The following FBXW7 variants were observed in gnomAD, a reference collection of about 807,000 sequenced individuals.
FBXW7 encodes F-box and WD repeat domain containing 7, also known as F-box/WD repeat-containing protein 7.
Under a neutral mutation model 86.3 loss-of-function variants are expected in FBXW7, and 11 were observed. That is an observed-to-expected ratio of 0.13 (90% confidence interval 0.08 to 0.21). The LOEUF (loss-of-function observed/expected upper bound fraction) is 0.21. Among genes scored for constraint, FBXW7 ranks in the 10% least tolerant of loss-of-function variants. The pLI, the probability that FBXW7 is intolerant of heterozygous loss-of-function variation, is 1.00. For synonymous variants in FBXW7, 313 were observed against 297.9 expected (o/e 1.05, Z -0.52); for missense variants, 488 against 847.4 (o/e 0.58, Z 5.27).
intron 2 of FBXW7, among the ~76,000 whole-genome samples, chr4:152,439,028 T>A (rs1217824552): frequency 6.6e-6 from 1 of 152,194 alleles, no homozygotes; most frequent in Non-Finnish European, 1.5e-5. Flanking sequence ...ATAGTAAAGT[T>A]TTAAAGCCAG....
intron 6 of FBXW7, among the ~76,000 whole-genome samples, chr4:152,345,609 G>A (rs1328421227): frequency 1.3e-5 from 2 of 151,930 alleles, no homozygotes. Flanking sequence ...GTCTCAACGC[G>A]GGGAAAAACT....
At chr4:152,507,109 T>C (rs578147147) in intron 2 of FBXW7, among the ~76,000 whole-genome samples, 2 of 152,184 alleles carry the variant, frequency 1.3e-5, no homozygotes, top group African/African-American at 2.4e-5. Context: ...TAGGAGCATA[T>C]GCATGTATTA....
At chr4:152,445,867 G>A (rs566700153) in intron 2 of FBXW7, among the ~76,000 whole-genome samples, 5 of 139,432 alleles carry the variant, frequency 3.6e-5, no homozygotes, top group East Asian at 2.2e-4. Context: ...CCAAGATCGC[G>A]CCACTGTACT....
chr4:152,378,747 A>G (rs1287174869), intron 4 of FBXW7, among the ~76,000 whole-genome samples: 2 of 152,184 alleles, frequency 1.3e-5, no homozygotes, highest in African/African-American at 4.8e-5. Flanking sequence ...TCATGCCTGT[A>G]GTCCCAGCAC....
intron 2 of FBXW7, among the ~76,000 whole-genome samples, chr4:152,444,228 C>CTTTT (rs145805667): frequency 0.013 from 1,993 of 152,186 alleles, 22 homozygotes; most frequent in Admixed American, 0.023. Flanking sequence ...TTATATTCTT[C>CTTTT]GAGACTTTAC....
intron 2 of FBXW7, among the ~76,000 whole-genome samples, chr4:152,441,251 C>T (rs1232774224): frequency 2.0e-5 from 3 of 152,026 alleles, no homozygotes; most frequent in Admixed American, 6.6e-5. Flanking sequence ...CCTTCTTTGT[C>T]GCCTGTCTCT....
intron 2 of FBXW7, among the ~76,000 whole-genome samples, chr4:152,461,589 C>A (rs1186203694): frequency 6.6e-6 from 1 of 152,132 alleles, no homozygotes; most frequent in Non-Finnish European, 1.5e-5. Flanking sequence ...TTTTAAAGTC[C>A]TTGCTTGCTA....
intron 2 of FBXW7, among the ~76,000 whole-genome samples, chr4:152,426,929 C>T (rs1331409870): frequency 6.6e-6 from 1 of 152,202 alleles, no homozygotes; most frequent in Non-Finnish European, 1.5e-5. Context: ...ACTATTTTAA[C>T]ACTGTACACA....
intron 4 of FBXW7, among the ~76,000 whole-genome samples, chr4:152,371,962 C>G (rs1734041245): frequency 6.6e-6 from 1 of 151,800 alleles, no homozygotes; most frequent in African/African-American, 2.4e-5. Flanking sequence ...GCAACACACA[C>G]AGAGAGTATG....
chr4:152,385,583 ATGAAGTAAAGCTAGGCT>A (rs1473403893), intron 4 of FBXW7, among the ~76,000 whole-genome samples: 1 of 152,058 alleles, frequency 6.6e-6, no homozygotes, highest in Admixed American at 6.6e-5. Flanking sequence ...AAAAGTTACT[ATGAAGTAAAGCTAGGCT>A]TTTCATTTTC....
chr4:152,375,220 T>TA (rs1380166936), intron 4 of FBXW7, among the ~76,000 whole-genome samples: 2 of 152,218 alleles, frequency 1.3e-5, no homozygotes, highest in Non-Finnish European at 2.9e-5. Context: ...GAAGTACTCT[T>TA]ACAGTAGAGA....
At chr4:152,512,037 C>A (rs1748029748) in intron 2 of FBXW7, among the ~76,000 whole-genome samples, 1 of 152,042 alleles carries the variant, frequency 6.6e-6, no homozygotes, top group African/African-American at 2.4e-5. Flanking sequence ...AATGTTCATT[C>A]AAAATTAAGG....
chr4:152,363,876 G>A (rs1037329643), intron 4 of FBXW7, among the ~76,000 whole-genome samples: 2 of 152,060 alleles, frequency 1.3e-5, no homozygotes, highest in Admixed American at 6.6e-5. Context: ...TTGAACCTAA[G>A]GAAGTCCTGG....
intron 2 of FBXW7, among the ~76,000 whole-genome samples, chr4:152,434,370 C>T (rs1489033580): frequency 2.0e-5 from 3 of 152,262 alleles, no homozygotes; most frequent in South Asian, 2.1e-4. Context: ...GTAGTTTTTG[C>T]TTTCTTCATG....
chr4:152,373,285 T>C (rs537876407), intron 4 of FBXW7, among the ~76,000 whole-genome samples: 3 of 152,054 alleles, frequency 2.0e-5, no homozygotes, highest in Non-Finnish European at 4.4e-5. Context: ...AATGAGTTTA[T>C]GTATAGAAAG....
intron 4 of FBXW7, among the ~76,000 whole-genome samples, chr4:152,360,591 C>T (rs1732841880): frequency 6.6e-6 from 1 of 151,848 alleles, no homozygotes; most frequent in African/African-American, 2.4e-5. Flanking sequence ...CTGTCTGGCC[C>T]CCAGACTCAA....
chr4:152,365,005 A>G (rs1733334761), intron 4 of FBXW7, among the ~76,000 whole-genome samples: 1 of 152,176 alleles, frequency 6.6e-6, no homozygotes. Context: ...TTCACAGCAT[A>G]GTGGGCAAGA....
At chr4:152,497,016 A>G (rs1746412776) in intron 2 of FBXW7, among the ~76,000 whole-genome samples, 1 of 152,186 alleles carries the variant, frequency 6.6e-6, no homozygotes, top group African/African-American at 2.4e-5. Context: ...TGAAACTTTT[A>G]AACAATGTTA....
intron 2 of FBXW7, among the ~76,000 whole-genome samples, chr4:152,519,519 G>C (rs1159141598): frequency 6.6e-6 from 1 of 152,084 alleles, no homozygotes; most frequent in Non-Finnish European, 1.5e-5. Context: ...TATAAAATCA[G>C]TTTTCTCCAT....
Sources: gnomAD v4.1 joint callset for allele counts (sites outside exome capture counted in the v4.1 genomes callset) on GRCh38, gnomAD v4.1.1 for gene constraint, MANE v1.5 for transcripts, NCBI Gene and HGNC (gene_info 2026-07-23, HGNC 2026-07-21) for gene names.